PLCXD3: variants seen among roughly 807,000 people sequenced by gnomAD.
PLCXD3 encodes phosphatidylinositol specific phospholipase C X domain containing 3.
Under a neutral mutation model 25.5 loss-of-function variants are expected in PLCXD3, and 19 were observed. The observed-to-expected ratio is 0.75, with a 90% CI of 0.52 to 1.09. PLCXD3 has a LOEUF of 1.09. Ranked by LOEUF, PLCXD3 falls within the 50% of genes least tolerant of loss-of-function variation. The pLI is 0.00. For synonymous variants in PLCXD3, 174 were observed against 137.6 expected, an observed-to-expected ratio of 1.26 and a Z score of -1.85; for missense variants, 411 against 388.1, an observed-to-expected ratio of 1.06 and a Z score of -0.50.
intron 1 of PLCXD3, among the ~76,000 whole-genome samples, chr5:41,473,186 C>A (rs958631507): frequency 6.6e-6 from 1 of 151,884 alleles, no homozygotes; most frequent in Non-Finnish European, 1.5e-5. Context: ...AGTGGAAAAT[C>A]CATAGGCAGA....
intron 2 of PLCXD3, among the ~76,000 whole-genome samples, chr5:41,352,523 T>C (rs116778175): frequency 6.6e-6 from 1 of 152,302 alleles, no homozygotes; most frequent in Admixed American, 6.5e-5. Flanking sequence ...AGAAAATAAA[T>C]TTATGATAAT....
chr5:41,313,917 C>G, intron 2 of PLCXD3, 147 bp from the exon 3 acceptor site: 1 of 913,718 alleles, frequency 1.1e-6, no homozygotes, highest in Non-Finnish European at 1.6e-6. Context: ...CAAATGGACT[C>G]TGGGGATTTT....
intron 1 of PLCXD3, among the ~76,000 whole-genome samples, chr5:41,445,192 C>T (rs1747466176): frequency 6.6e-6 from 1 of 152,176 alleles, no homozygotes; most frequent in Admixed American, 6.5e-5. Context: ...TTTAAGGATC[C>T]TGCCAACTGA....
chr5:41,481,696 A>G (rs1375449524), intron 1 of PLCXD3, among the ~76,000 whole-genome samples: 10 of 152,238 alleles, frequency 6.6e-5, no homozygotes, highest in East Asian at 5.8e-4. Flanking sequence ...CACCTGAAAG[A>G]AAACTGTGAA....
chr5:41,502,476 CCTTT>C (rs1748973990), intron 1 of PLCXD3, among the ~76,000 whole-genome samples: 1 of 151,740 alleles, frequency 6.6e-6, no homozygotes, highest in Non-Finnish European at 1.5e-5. Flanking sequence ...ACAATGGAGC[CCTTT>C]CTTTAATATA....
intron 1 of PLCXD3, among the ~76,000 whole-genome samples, chr5:41,416,636 G>A (rs1746700758): frequency 6.6e-6 from 1 of 152,222 alleles, no homozygotes; most frequent in Admixed American, 6.5e-5. Flanking sequence ...GCTGGACACT[G>A]TGTGATGTGT....
intron 2 of PLCXD3, among the ~76,000 whole-genome samples, chr5:41,373,423 A>G (rs1745187408): frequency 6.6e-6 from 1 of 152,140 alleles, no homozygotes; most frequent in Admixed American, 6.5e-5. Flanking sequence ...TATAAATGCA[A>G]ACGTCCCATT....
At chr5:41,459,764 A>G (rs1034182702) in intron 1 of PLCXD3, among the ~76,000 whole-genome samples, 4 of 151,810 alleles carry the variant, frequency 2.6e-5, no homozygotes, top group Admixed American at 2.0e-4. Context: ...TTCAGTCAAC[A>G]CTGTCAATCT....
At chr5:41,333,089 TATA>T (rs1400515089) in intron 2 of PLCXD3, among the ~76,000 whole-genome samples, 2 of 151,884 alleles carry the variant, frequency 1.3e-5, no homozygotes, top group South Asian at 2.1e-4. Context: ...GAACTTAAAG[TATA>T]ATAATAATAA....
At position 41,309,354 on chromosome 5, in the gene PLCXD3, A is replaced by AT. The variant is rs1317309778; in HGVS notation, c.*4262dup. The AT allele has an allele frequency of 6.6e-6, 1 of 152,614 alleles. No homozygotes were observed. The highest frequency in any genetic ancestry group is 1.5e-5 in the Non-Finnish European group (1 of 68,010). The allele number at this position is 152,614 out of a possible 1,614,324, so 9.5% of individuals were successfully genotyped here. A position where few individuals can be genotyped will look rare whatever the true frequency, so the allele number is the denominator to read the frequency against. On this transcript the variant is annotated 3_prime_UTR_variant, in exon 3 of 3. Coordinates refer to ENST00000377801, the MANE Select transcript of PLCXD3 (RefSeq NM_001005473.3). Reference sequence around the variant, plus strand: ...AGGAGCCACCAATAAGTTATGGCAGATATAGCATTTACACCATAGTGTCAC... The same window carrying AT: ...AGGAGCCACCAATAAGTTATGGCAGATTATAGCATTTACACCATAGTGTCAC...
chr5:41,450,408 AT>A (rs1747602032), intron 1 of PLCXD3, among the ~76,000 whole-genome samples: 1 of 152,166 alleles, frequency 6.6e-6, no homozygotes, highest in South Asian at 2.1e-4. Flanking sequence ...GCAAGTTTCA[AT>A]TGACAGAGAA....
chr5:41,368,673 T>G (rs1420640073), intron 2 of PLCXD3, among the ~76,000 whole-genome samples: 1 of 152,140 alleles, frequency 6.6e-6, no homozygotes, highest in Non-Finnish European at 1.5e-5. Flanking sequence ...GGCTGTGGAT[T>G]TGTCCTATAT....
intron 1 of PLCXD3, among the ~76,000 whole-genome samples, chr5:41,493,988 G>A (rs965273734): frequency 6.6e-5 from 10 of 152,218 alleles, no homozygotes; most frequent in Non-Finnish European, 8.8e-5. Flanking sequence ...GATGAACCTC[G>A]TACCTCAGAT....
chr5:41,486,285 TG>T lies in PLCXD3; in HGVS notation c.103+24138del, dbSNP rs1748516170. On this transcript the variant is annotated intron_variant, in intron 1 of 2. Transcript: ENST00000377801. ...AATATATATTAGACTCTGTTTCCTC[TG>T]CTGGGGAAAAACTCTTGGTGGTCAT... 2.0e-5 allele frequency among the ~76,000 whole-genome samples: 3 copies of T among 151,916 alleles called. No homozygotes were observed. In the South Asian group the frequency reaches 6.3e-4, roughly 32 times the overall value.
At chr5:41,333,089 T>TATA (rs1400515089) in intron 2 of PLCXD3, among the ~76,000 whole-genome samples, 1 of 151,886 alleles carries the variant, frequency 6.6e-6, no homozygotes, top group Non-Finnish European at 1.5e-5. Flanking sequence ...GAACTTAAAG[T>TATA]ATAATAATAA....
At chr5:41,345,876 C>CTTTTTTTTTTTTTTTTTT (rs202046569) in intron 2 of PLCXD3, among the ~76,000 whole-genome samples, 1 of 134,838 alleles carries the variant, frequency 7.4e-6, no homozygotes, top group African/African-American at 3.2e-5. Context: ...TTTTTCTTTT[C>CTTTTTTTTTTTTTTTTTT]TTTTTTTTAT....
At chr5:41,377,585 G>T (rs1211529657) in intron 2 of PLCXD3, among the ~76,000 whole-genome samples, 1 of 151,968 alleles carries the variant, frequency 6.6e-6, no homozygotes, top group Admixed American at 6.6e-5. Context: ...GTTTGAAAAA[G>T]AAATTAAAAA....
chr5:41,492,815 T>C (rs970644483), intron 1 of PLCXD3, among the ~76,000 whole-genome samples: 6 of 152,250 alleles, frequency 3.9e-5, no homozygotes, highest in Non-Finnish European at 7.3e-5. Flanking sequence ...TATTGGTTAT[T>C]CTAGTTTACA....
intron 1 of PLCXD3, among the ~76,000 whole-genome samples, chr5:41,502,230 TAAGA>T (rs1028467812): frequency 6.6e-6 from 1 of 152,084 alleles, no homozygotes; most frequent in Non-Finnish European, 1.5e-5. Context: ...ATCCAAAGTA[TAAGA>T]AATAGATGCA....
Sources: gnomAD v4.1 joint callset for allele counts (sites outside exome capture counted in the v4.1 genomes callset) on GRCh38, gnomAD v4.1.1 for gene constraint, MANE v1.5 for transcripts, NCBI Gene and HGNC (gene_info 2026-07-23, HGNC 2026-07-21) for gene names.